TTC28: variants seen among roughly 807,000 people sequenced by gnomAD.
TTC28 encodes tetratricopeptide repeat domain 28.
In TTC28, 61 loss-of-function variants were observed where a neutral mutation model predicts 198.0. That is an observed-to-expected ratio of 0.31 (90% CI 0.25 to 0.38). The LOEUF (loss-of-function observed/expected upper bound fraction) is 0.38, where lower values mean the gene tolerates loss of function less well. Ranked by LOEUF, TTC28 falls within the 10% of genes least tolerant of loss-of-function variation. The pLI, the probability that TTC28 is intolerant of heterozygous loss-of-function variation, is 1.00. For missense variants in TTC28, 2,678 were observed against 3,164.0 expected, an observed-to-expected ratio of 0.85 and a Z score of 3.69; for synonymous variants, 1,171 against 1,297.8, an observed-to-expected ratio of 0.90 and a Z score of 2.10.
chr22:28,092,565 T>A (rs1042927554), intron 12 of TTC28, among the ~76,000 whole-genome samples: 6 of 152,208 alleles, frequency 3.9e-5, no homozygotes, highest in Non-Finnish European at 7.3e-5. Context: ...TTTGGGTTTC[T>A]ATTGCTGGCC....
chr22:28,468,042 A>T (rs1013947721), intron 2 of TTC28, among the ~76,000 whole-genome samples: 2 of 152,068 alleles, frequency 1.3e-5, no homozygotes, highest in African/African-American at 4.8e-5. Flanking sequence ...AAGTGCTAGG[A>T]TATTACAGGC....
intron 6 of TTC28, among the ~76,000 whole-genome samples, chr22:28,147,621 A>G (rs536060413): frequency 1.3e-5 from 2 of 152,250 alleles, no homozygotes; most frequent in African/African-American, 4.8e-5. Context: ...TCTGCCACAC[A>G]CTTACTATGA....
At chr22:28,177,934 A>G (rs1923320929) in intron 5 of TTC28, among the ~76,000 whole-genome samples, 1 of 152,202 alleles carries the variant, frequency 6.6e-6, no homozygotes. Context: ...ATGACATTAT[A>G]AATTTGTCAA....
chr22:28,133,786 A>C (rs1484692934), intron 6 of TTC28, among the ~76,000 whole-genome samples: 1 of 152,236 alleles, frequency 6.6e-6, no homozygotes, highest in East Asian at 1.9e-4. Flanking sequence ...CTCTGGGGGC[A>C]GGGCATAGCC....
intron 2 of TTC28, among the ~76,000 whole-genome samples, chr22:28,438,234 T>A (rs934005852): frequency 1.3e-5 from 2 of 152,228 alleles, no homozygotes; most frequent in East Asian, 3.8e-4. Flanking sequence ...TAATTTAGTA[T>A]AGGCATATTA....
At chr22:28,127,730 G>A (rs946916498) in intron 6 of TTC28, among the ~76,000 whole-genome samples, 1 of 151,366 alleles carries the variant, frequency 6.6e-6, no homozygotes, top group Non-Finnish European at 1.5e-5. Flanking sequence ...TTTAAATTAC[G>A]TATGTGCCTC....
chr22:28,306,608 A>G lies in TTC28; in HGVS notation c.417T>C (p.Leu139=). ...CTGCCAGGGCATCGGCATGACGTCCAAGGTACTGGAGGGCAACACCCTGTC... is the reference window on the plus strand; with the variant it reads ...CTGCCAGGGCATCGGCATGACGTCCGAGGTACTGGAGGGCAACACCCTGTC... The part of the protein sequence containing the change: ...YFRQGVALQY[L]GRHADALAAF... Residue 139 remains leucine (L), a synonymous_variant, in exon 3 of 23, where the codon CTT becomes CTC. Transcript: ENST00000397906. 6.4e-7 allele frequency: 1 copy of G among 1,551,650 alleles called. No homozygotes were observed. The highest frequency in any genetic ancestry group is 8.7e-7 in the Non-Finnish European group (1 of 1,146,984).
At chr22:28,298,423 G>A (rs1476047755) in intron 3 of TTC28, among the ~76,000 whole-genome samples, 1 of 152,134 alleles carries the variant, frequency 6.6e-6, no homozygotes, top group East Asian at 1.9e-4. Flanking sequence ...ATGAACACAG[G>A]TGAAAGTCCC....
chr22:28,528,012 C>T (rs1451767516), intron 2 of TTC28, among the ~76,000 whole-genome samples: 1 of 152,070 alleles, frequency 6.6e-6, no homozygotes, highest in Non-Finnish European at 1.5e-5. Context: ...GCAAACAGCC[C>T]CATCATGGGA....
chr22:28,625,132 A>G (rs977933066), intron 2 of TTC28, among the ~76,000 whole-genome samples: 10 of 152,196 alleles, frequency 6.6e-5, no homozygotes, highest in African/African-American at 2.4e-4. Context: ...TCCCACAAAG[A>G]TCAGGAATGA....
intron 5 of TTC28, among the ~76,000 whole-genome samples, chr22:28,200,748 G>A (rs1165884352): frequency 2.0e-5 from 3 of 152,136 alleles, no homozygotes; most frequent in Non-Finnish European, 4.4e-5. Flanking sequence ...TGGACAGAAT[G>A]TCAAGTTGGG....
intron 12 of TTC28, among the ~76,000 whole-genome samples, chr22:28,076,171 CT>C (rs1486323150): frequency 9.9e-5 from 15 of 152,142 alleles, no homozygotes; most frequent in African/African-American, 3.6e-4. Context: ...AAAGTAAAAC[CT>C]TATCAATTTG....
intron 2 of TTC28, among the ~76,000 whole-genome samples, chr22:28,409,734 G>A (rs566239161): frequency 1.3e-5 from 2 of 149,346 alleles, no homozygotes; most frequent in African/African-American, 4.9e-5. Flanking sequence ...TTGGCTCAGC[G>A]CAACCTCCGC....
chr22:28,473,806 T>C (rs2048128450), intron 2 of TTC28, among the ~76,000 whole-genome samples: 1 of 152,182 alleles, frequency 6.6e-6, no homozygotes, highest in Non-Finnish European at 1.5e-5. Flanking sequence ...ATGATTGTTG[T>C]CTTTATAAGA....
At chr22:28,460,605 TGGTAGATAGATAGATA>T (rs1462178515) in intron 2 of TTC28, among the ~76,000 whole-genome samples, 41 of 129,586 alleles carry the variant, frequency 3.2e-4, no homozygotes, top group Non-Finnish European at 6.1e-4. Flanking sequence ...AGATGATTAA[TGGTAGATAGATAGATA>T]GATAGATAGA....
intron 1 of TTC28, among the ~76,000 whole-genome samples, chr22:28,676,303 G>A (rs906496011): frequency 1.3e-5 from 2 of 152,168 alleles, no homozygotes; most frequent in African/African-American, 4.8e-5. Flanking sequence ...ACCTCCAGAA[G>A]AGCTAAACTC....
chr22:28,381,828 CTATTTA>C, intron 2 of TTC28, among the ~76,000 whole-genome samples: 1 of 152,142 alleles, frequency 6.6e-6, no homozygotes, highest in African/African-American at 2.4e-5. Flanking sequence ...GAATTATGTT[CTATTTA>C]TATTTCCAAA....
chr22:28,622,885 A>G (rs1175766408), intron 2 of TTC28, among the ~76,000 whole-genome samples: 1 of 151,930 alleles, frequency 6.6e-6, no homozygotes, highest in Admixed American at 6.6e-5. Context: ...GCAATGGCAC[A>G]ATCTCGGCTC....
At chr22:28,448,373 A>T (rs1191967895) in intron 2 of TTC28, among the ~76,000 whole-genome samples, 2 of 152,236 alleles carry the variant, frequency 1.3e-5, no homozygotes, top group African/African-American at 4.8e-5. Context: ...GGAATGATGT[A>T]TCTGACATTG....
Sources: allele counts gnomAD v4.1 joint callset (sites outside exome capture counted in the v4.1 genomes callset), GRCh38; gene constraint gnomAD v4.1.1; transcripts MANE v1.5; gene names NCBI Gene and HGNC (gene_info 2026-07-23, HGNC 2026-07-21).